The following CHRM3 variants were observed in gnomAD, a reference collection of about 807,000 sequenced individuals.
CHRM3 encodes muscarinic acetylcholine receptor M3.
Under a neutral mutation model 41.8 loss-of-function variants are expected in CHRM3, and 11 were observed. The observed-to-expected ratio is 0.26, with a 90% CI of 0.17 to 0.44. The LOEUF is 0.44. CHRM3 is among the 20% of genes least tolerant of loss of function. The probability of loss-of-function intolerance (pLI) is 1.00; values close to 1 mark genes in which losing one functional copy is unlikely to be tolerated. For synonymous variants in CHRM3, 297 were observed against 301.4 expected (o/e 0.99, Z 0.15); for missense variants, 571 against 745.4 (o/e 0.77, Z 2.72).
chr1:239,666,782 G>A (rs921256530), intron 4 of CHRM3, among the ~76,000 whole-genome samples: 1 of 152,252 alleles, frequency 6.6e-6, no homozygotes, highest in African/African-American at 2.4e-5. Flanking sequence ...TACCCAGGAA[G>A]TGAGCATAGT....
intron 5 of CHRM3, among the ~76,000 whole-genome samples, chr1:239,813,511 A>T (rs1671282572): frequency 6.6e-6 from 1 of 152,104 alleles, no homozygotes; most frequent in Non-Finnish European, 1.5e-5. Context: ...TTTTGCAAAC[A>T]TTCATCTTTC....
chr1:239,496,649 C>A (rs1009544191), intron 2 of CHRM3, among the ~76,000 whole-genome samples: 2 of 151,982 alleles, frequency 1.3e-5, no homozygotes, highest in African/African-American at 4.8e-5. Flanking sequence ...GTACTGATAT[C>A]TTGTACTTCT....
At chr1:239,518,485 T>G (rs1158651589) in intron 2 of CHRM3, among the ~76,000 whole-genome samples, 1 of 152,180 alleles carries the variant, frequency 6.6e-6, no homozygotes, top group Non-Finnish European at 1.5e-5. Context: ...CAAGATGCTC[T>G]CAGTGGGGGA....
Position 239,914,847 on chromosome 1 carries a change from C to G in CHRM3, c.*5623C>G, listed in dbSNP as rs1021999607. 4 of 166,908 alleles carry G rather than the reference C, an allele frequency of 2.4e-5. No individual in the cohort carries two copies. Among genetic ancestry groups the G allele is most frequent in the African/African-American group, 9.6e-5 (4 of 41,468 alleles). 10.3% of individuals were successfully genotyped at this position (166,908 alleles called of 1,614,324 possible). ...TCCTTTATCCTGTTCTGCAAGCAAT[C>G]AAACACATGATCTCCCTTCTAGCCA... On this transcript the variant is annotated 3_prime_UTR_variant, in exon 7 of 7. Transcript: ENST00000676153.
chr1:239,904,534 G>C (rs1385536792), intron 6 of CHRM3, among the ~76,000 whole-genome samples: 1 of 152,188 alleles, frequency 6.6e-6, no homozygotes, highest in Non-Finnish European at 1.5e-5. Flanking sequence ...GGGGAGAGCA[G>C]CAGACAGATC....
intron 5 of CHRM3, among the ~76,000 whole-genome samples, chr1:239,786,370 T>G (rs981741369): frequency 3.3e-5 from 5 of 152,300 alleles, no homozygotes; most frequent in Admixed American, 3.3e-4. Flanking sequence ...TTCTAAACAT[T>G]CCATGTGTAT....
chr1:239,462,533 T>G (rs752882882), intron 1 of CHRM3, among the ~76,000 whole-genome samples: 1 of 152,326 alleles, frequency 6.6e-6, no homozygotes, highest in Non-Finnish European at 1.5e-5. Flanking sequence ...ACCTTCACAC[T>G]TTTACAGCTG....
chr1:239,765,514 C>G (rs1016939573), intron 5 of CHRM3, among the ~76,000 whole-genome samples: 7 of 152,198 alleles, frequency 4.6e-5, no homozygotes, highest in Non-Finnish European at 1.0e-4. Flanking sequence ...TGACAGAAAT[C>G]AACTGAATAC....
intron 4 of CHRM3, among the ~76,000 whole-genome samples, chr1:239,669,406 A>G (rs546409926): frequency 8.5e-5 from 13 of 152,252 alleles, no homozygotes; most frequent in African/African-American, 3.1e-4. Context: ...TTTCCTTAAA[A>G]AGGGATTTAT....
intron 6 of CHRM3, among the ~76,000 whole-genome samples, chr1:239,827,863 A>C (rs1271114329): frequency 2.0e-5 from 3 of 152,242 alleles, no homozygotes; most frequent in African/African-American, 7.2e-5. Context: ...TACAGTGTCT[A>C]AGTGTGAAAA....
At chr1:239,456,618 C>A (rs140441531) in intron 1 of CHRM3, among the ~76,000 whole-genome samples, 1 of 152,288 alleles carries the variant, frequency 6.6e-6, no homozygotes, top group Non-Finnish European at 1.5e-5. Context: ...GTGTTTCTTA[C>A]AATGTCACGG....
chr1:239,396,484 C>A (rs1659490399), intron 1 of CHRM3, among the ~76,000 whole-genome samples: 1 of 151,976 alleles, frequency 6.6e-6, no homozygotes. Context: ...GATTGTGCAC[C>A]TGCCTGTAGT....
At chr1:239,563,696 G>A (rs1052356558) in intron 3 of CHRM3, among the ~76,000 whole-genome samples, 4 of 152,086 alleles carry the variant, frequency 2.6e-5, no homozygotes, top group African/African-American at 7.2e-5. Context: ...ATGAACCAAG[G>A]GGTCTCTTTA....
intron 1 of CHRM3, among the ~76,000 whole-genome samples, chr1:239,399,551 A>G (rs947223793): frequency 1.9e-4 from 29 of 152,052 alleles, no homozygotes; most frequent in South Asian, 2.1e-4. Flanking sequence ...CTCTTCATCT[A>G]TAAGTTCCAC....
intron 6 of CHRM3, among the ~76,000 whole-genome samples, chr1:239,891,839 T>C (rs1427422563): frequency 6.6e-6 from 1 of 152,126 alleles, no homozygotes; most frequent in Non-Finnish European, 1.5e-5. Flanking sequence ...CATCAGGGGT[T>C]GGTTGATATC....
intron 4 of CHRM3, among the ~76,000 whole-genome samples, chr1:239,675,372 T>G (rs1479652100): frequency 1.3e-5 from 2 of 152,226 alleles, no homozygotes; most frequent in African/African-American, 2.4e-5. Context: ...AATACTTCAG[T>G]TTAATCTTCT....
In CHRM3 at chr1:239,727,546, T is replaced by C. The variant is rs935095791; in HGVS notation, c.-147+49258T>C. On this transcript the variant is annotated intron_variant, in intron 5 of 6. Transcript: ENST00000676153. Reference sequence around the variant, plus strand: ...TGCTTTTATAATGAAAGTAATTTAATTGGGCATTCTGCCTCCACAGATCAG... The same window carrying C: ...TGCTTTTATAATGAAAGTAATTTAACTGGGCATTCTGCCTCCACAGATCAG... The C allele has an allele frequency of 5.3e-5, 8 of 151,972 alleles. 1 individual carries two copies. Among genetic ancestry groups the C allele is most frequent in the Non-Finnish European group, 8.8e-5 (6 of 67,922 alleles). 9.4% of individuals were successfully genotyped at this position (151,972 alleles called of 1,614,324 possible). A position where few individuals can be genotyped will look rare whatever the true frequency, so the allele number is the denominator to read the frequency against.
intron 1 of CHRM3, among the ~76,000 whole-genome samples, chr1:239,405,123 C>CA (rs1326312253): frequency 3.9e-5 from 6 of 152,002 alleles, no homozygotes; most frequent in South Asian, 2.1e-4. Context: ...AAGTAAATTT[C>CA]AAAAATCATA....
chr1:239,397,273 A>G (rs1454077829), intron 1 of CHRM3, among the ~76,000 whole-genome samples: 2 of 152,232 alleles, frequency 1.3e-5, no homozygotes, highest in African/African-American at 4.8e-5. Context: ...TAGGTGACTC[A>G]TTTTGAATTC....
Sources: allele counts gnomAD v4.1 joint callset (sites outside exome capture counted in the v4.1 genomes callset), GRCh38; gene constraint gnomAD v4.1.1; transcripts MANE v1.5; gene names NCBI Gene and HGNC (gene_info 2026-07-23, HGNC 2026-07-21).